Variants in EXOC6B observed in about 807,000 individuals in gnomAD.
EXOC6B encodes SEC15 homolog B.
In EXOC6B, 54 loss-of-function variants were observed where a neutral mutation model predicts 113.5. That is an observed-to-expected ratio of 0.48 (90% CI 0.38 to 0.60). The LOEUF (loss-of-function observed/expected upper bound fraction) is 0.60. Among genes scored for constraint, EXOC6B ranks in the 20% least tolerant of loss-of-function variants. The pLI, the probability that EXOC6B is intolerant of heterozygous loss-of-function variation, is 0.00. For synonymous variants in EXOC6B, 357 were observed against 339.0 expected, an observed-to-expected ratio of 1.05 and a Z score of -0.58; for missense variants, 797 against 977.5, an observed-to-expected ratio of 0.82 and a Z score of 2.46.
chr2:72,477,806 C>T (rs1420751990), intron 17 of EXOC6B, among the ~76,000 whole-genome samples: 1 of 152,216 alleles, frequency 6.6e-6, no homozygotes, highest in Non-Finnish European at 1.5e-5. Context: ...GTGCTGTCCC[C>T]TTTGACAGGA....
chr2:72,310,849 T>TC (rs1687140613), intron 20 of EXOC6B, among the ~76,000 whole-genome samples: 1 of 121,160 alleles, frequency 8.3e-6, no homozygotes, highest in East Asian at 2.1e-4. Context: ...TTATTTCATT[T>TC]AACACACACA....
intron 6 of EXOC6B, among the ~76,000 whole-genome samples, chr2:72,641,559 G>T (rs1052906398): frequency 1.3e-5 from 2 of 152,224 alleles, no homozygotes; most frequent in African/African-American, 4.8e-5. Context: ...AAGCAGCCAG[G>T]GAAGCTCAAA....
At chr2:72,194,910 T>C (rs1228033678) in intron 20 of EXOC6B, among the ~76,000 whole-genome samples, 3 of 152,014 alleles carry the variant, frequency 2.0e-5, no homozygotes, top group African/African-American at 7.2e-5. Context: ...TTTCCCTAGT[T>C]GAGTGAAGGC....
At chr2:72,558,990 C>G (rs1433640774) in intron 8 of EXOC6B, among the ~76,000 whole-genome samples, 3 of 152,022 alleles carry the variant, frequency 2.0e-5, no homozygotes, top group Non-Finnish European at 4.4e-5. Context: ...TGTGAGTGTA[C>G]TACCAAAATG....
At chr2:72,667,144 T>C (rs998893310) in intron 6 of EXOC6B, among the ~76,000 whole-genome samples, 13 of 152,168 alleles carry the variant, frequency 8.5e-5, no homozygotes, top group African/African-American at 2.7e-4. Context: ...ATTACAGGCG[T>C]GAGCCATCAT....
intron 16 of EXOC6B, among the ~76,000 whole-genome samples, chr2:72,486,223 G>T (rs955624119): frequency 6.6e-6 from 1 of 152,010 alleles, no homozygotes; most frequent in Non-Finnish European, 1.5e-5. Flanking sequence ...ACAAAAATTA[G>T]CTGGGTGTGG....
intron 8 of EXOC6B, among the ~76,000 whole-genome samples, chr2:72,524,063 A>G (rs181629114): frequency 6.6e-6 from 1 of 152,048 alleles, no homozygotes; most frequent in African/African-American, 2.4e-5. Flanking sequence ...GTCTTGGGGA[A>G]AGCCTGTAAT....
intron 20 of EXOC6B, among the ~76,000 whole-genome samples, chr2:72,310,668 A>C (rs1687131859): frequency 6.6e-6 from 1 of 152,080 alleles, no homozygotes; most frequent in Non-Finnish European, 1.5e-5. Flanking sequence ...AAAAGTTTTT[A>C]ATTTGATGAA....
intron 6 of EXOC6B, among the ~76,000 whole-genome samples, chr2:72,677,404 TATA>T (rs964128495): frequency 6.6e-6 from 1 of 151,752 alleles, no homozygotes; most frequent in Admixed American, 6.6e-5. Flanking sequence ...AGGAAAAAGG[TATA>T]ATAAGTATCA....
chr2:72,264,867 C>A (rs1036030001), intron 20 of EXOC6B, among the ~76,000 whole-genome samples: 4 of 152,046 alleles, frequency 2.6e-5, no homozygotes, highest in Non-Finnish European at 5.9e-5. Flanking sequence ...GCCTCCTCAG[C>A]CATGCTGAAC....
chr2:72,769,261 G>A (rs999134220), intron 1 of EXOC6B, among the ~76,000 whole-genome samples: 5 of 152,148 alleles, frequency 3.3e-5, no homozygotes, highest in Non-Finnish European at 5.9e-5. Flanking sequence ...CACAGAGATG[G>A]AGGAGGAAAT....
chr2:72,370,483 ACCATTTGACCCAG>A (rs1188169099), intron 19 of EXOC6B, among the ~76,000 whole-genome samples: 2 of 152,086 alleles, frequency 1.3e-5, no homozygotes, highest in African/African-American at 4.8e-5. Context: ...AACTAGAAAT[ACCATTTGACCCAG>A]CCATCCCATT....
At chr2:72,532,768 A>G (rs879644540) in intron 8 of EXOC6B, among the ~76,000 whole-genome samples, 23 of 152,078 alleles carry the variant, frequency 1.5e-4, no homozygotes, top group Non-Finnish European at 2.8e-4. Context: ...ATATTGCGCC[A>G]CTGTGCTCCA....
At chr2:72,819,034 C>A (rs1268984972) in intron 1 of EXOC6B, among the ~76,000 whole-genome samples, 1 of 152,182 alleles carries the variant, frequency 6.6e-6, no homozygotes, top group Non-Finnish European at 1.5e-5. Flanking sequence ...AGGATAGGGA[C>A]TTGTCTATAT....
rs530143848 is a variant in EXOC6B, at chr2:72,288,195, G to A, written c.2196+46752C>T. ...CCAATATAATACCATGTGTTTTGGG[G>A]ATGTGGAAGAACTTGAGTTATCTTT... On this transcript the variant is annotated intron_variant, in intron 20 of 21. Coordinates refer to ENST00000272427, the MANE Select transcript of EXOC6B (RefSeq NM_015189.3). 2.0e-5 allele frequency among the ~76,000 whole-genome samples: 3 copies of A among 152,228 alleles called. No individual in the cohort carries two copies. The South Asian group carries it at 6.2e-4, about 32-fold the overall frequency.
chr2:72,527,932 C>T (rs965541560), intron 8 of EXOC6B, among the ~76,000 whole-genome samples: 6 of 151,760 alleles, frequency 4.0e-5, no homozygotes, highest in Admixed American at 1.3e-4. Context: ...TTTATATATT[C>T]TAGATACATA....
chr2:72,825,993 G>T lies in EXOC6B; in HGVS notation c.-83C>A. 6.5e-7 allele frequency: 1 copy of T among 1,535,202 alleles called. No individual in the cohort carries two copies. The highest frequency in any genetic ancestry group is 8.8e-7 in the Non-Finnish European group (1 of 1,141,196). ...CCCCACAATGCCGCTCCCACCACAG[G>T]CTCCACAGCCGCCCCAGCCTCTGGC... is the stretch of plus-strand genomic sequence containing the variant. On this transcript the variant is annotated 5_prime_UTR_variant, in exon 1 of 22. Coordinates refer to ENST00000272427, the MANE Select transcript of EXOC6B (RefSeq NM_015189.3). This position sits in a 1 kb window ranked among gnomAD's most constrained non-coding sequence, Gnocchi z 4.4.
intron 6 of EXOC6B, among the ~76,000 whole-genome samples, chr2:72,613,044 A>G (rs1671173769): frequency 6.6e-6 from 1 of 152,202 alleles, no homozygotes; most frequent in Non-Finnish European, 1.5e-5. Context: ...CATCATTATA[A>G]GGGCGTAAAA....
chr2:72,601,243 C>T (rs542676418), intron 6 of EXOC6B, among the ~76,000 whole-genome samples: 25 of 151,582 alleles, frequency 1.6e-4, no homozygotes, highest in African/African-American at 5.1e-4. Context: ...AGTGCAGTGG[C>T]GTGATCTCAG....
Sources: allele counts gnomAD v4.1 joint callset (sites outside exome capture counted in the v4.1 genomes callset), GRCh38; gene constraint gnomAD v4.1.1; non-coding constraint Gnocchi (gnomAD v3.1); transcripts MANE v1.5; gene names NCBI Gene and HGNC (gene_info 2026-07-23, HGNC 2026-07-21).